The following CREB5 variants were observed in gnomAD, a reference collection of about 807,000 sequenced individuals.
CREB5 encodes the protein cyclic AMP-responsive element-binding protein 5.
In CREB5, 19 loss-of-function variants were observed where a neutral mutation model predicts 57.1. The ratio of observed to expected loss-of-function variants is 0.33; its 90% CI spans 0.23 to 0.49. The LOEUF (loss-of-function observed/expected upper bound fraction) is 0.49. CREB5 is among the 20% of genes least tolerant of loss of function. The pLI is 0.99. For synonymous variants in CREB5, 238 were observed against 238.3 expected (o/e 1.00, Z 0.01); for missense variants, 579 against 671.6 (o/e 0.86, Z 1.52).
chr7:28,612,505 C>T (rs1180068948), intron 5 of CREB5, among the ~76,000 whole-genome samples: 1 of 149,154 alleles, frequency 6.7e-6, no homozygotes, highest in African/African-American at 2.5e-5. Flanking sequence ...AAATAAAATC[C>T]TTCAATATTA....
intron 7 of CREB5, among the ~76,000 whole-genome samples, chr7:28,768,933 G>A (rs1032926340): frequency 2.0e-5 from 3 of 152,122 alleles, no homozygotes; most frequent in Admixed American, 6.5e-5. Flanking sequence ...GCAGCCCCTC[G>A]GGCAAAGCAA....
intron 5 of CREB5, among the ~76,000 whole-genome samples, chr7:28,587,494 G>C (rs1035806513): frequency 1.4e-5 from 2 of 145,822 alleles, no homozygotes; most frequent in Admixed American, 1.4e-4. Flanking sequence ...AGGATTCTTC[G>C]GGAGTTAAAA....
chr7:28,730,124 T>C (rs1384948433), intron 7 of CREB5, among the ~76,000 whole-genome samples: 1 of 152,218 alleles, frequency 6.6e-6, no homozygotes, highest in African/African-American at 2.4e-5. Context: ...GGAGCTATGT[T>C]AAGCATCTTG....
chr7:28,766,221 T>G (rs558007001), intron 7 of CREB5, among the ~76,000 whole-genome samples: 1 of 152,224 alleles, frequency 6.6e-6, no homozygotes, highest in Admixed American at 6.5e-5. Context: ...TAAAGTTACT[T>G]TAAAGATAAA....
At chr7:28,349,794 C>G (rs1476555526) in intron 1 of CREB5, among the ~76,000 whole-genome samples, 1 of 152,178 alleles carries the variant, frequency 6.6e-6, no homozygotes, top group Admixed American at 6.5e-5. Flanking sequence ...TATCTTCAAT[C>G]ATCCAGTCAG....
At chr7:28,447,259 T>C (rs1562722517) in intron 1 of CREB5, among the ~76,000 whole-genome samples, 1 of 152,248 alleles carries the variant, frequency 6.6e-6, no homozygotes, top group Non-Finnish European at 1.5e-5. Flanking sequence ...CAAATGGTAG[T>C]TCTTTTTCAT....
chr7:28,312,353 A>G (rs983851985), intron 1 of CREB5, among the ~76,000 whole-genome samples: 3 of 152,136 alleles, frequency 2.0e-5, no homozygotes, highest in African/African-American at 7.2e-5. Flanking sequence ...AGAATGAAAT[A>G]CCCATGATAC....
At chr7:28,347,012 C>T (rs538649021) in intron 1 of CREB5, among the ~76,000 whole-genome samples, 7 of 152,256 alleles carry the variant, frequency 4.6e-5, no homozygotes, top group East Asian at 3.9e-4. Context: ...ATGGGAGGAA[C>T]GGGCCAAGAC....
intron 4 of CREB5, among the ~76,000 whole-genome samples, chr7:28,514,276 G>C (rs1274750752): frequency 2.0e-5 from 3 of 152,210 alleles, no homozygotes; most frequent in East Asian, 1.9e-4. Flanking sequence ...CAAAGTGAAG[G>C]GGGGAGGTGG....
At chr7:28,541,954 T>C (rs1049678406) in intron 4 of CREB5, among the ~76,000 whole-genome samples, 3 of 152,196 alleles carry the variant, frequency 2.0e-5, no homozygotes, top group African/African-American at 7.2e-5. Context: ...TTATTGTGGA[T>C]CCATGATTCT....
chr7:28,780,405 G>A (rs982277369), intron 7 of CREB5, among the ~76,000 whole-genome samples: 5 of 152,106 alleles, frequency 3.3e-5, no homozygotes, highest in African/African-American at 7.2e-5. Context: ...AATTCACAAC[G>A]TAATTAATCC....
At chr7:28,404,314 C>T (rs1328310367) in intron 1 of CREB5, among the ~76,000 whole-genome samples, 2 of 151,950 alleles carry the variant, frequency 1.3e-5, no homozygotes, top group Non-Finnish European at 2.9e-5. Flanking sequence ...CTTGGGATGC[C>T]ATTGGTTTTT....
intron 5 of CREB5, among the ~76,000 whole-genome samples, chr7:28,659,763 A>C (rs76173187): frequency 0.028 from 4,294 of 152,264 alleles, 204 homozygotes; most frequent in African/African-American, 0.097. Context: ...ACAGTGGTTC[A>C]AGATGACAAA....
intron 1 of CREB5, among the ~76,000 whole-genome samples, chr7:28,366,305 A>G (rs1438818983): frequency 6.6e-6 from 1 of 152,232 alleles, no homozygotes; most frequent in African/African-American, 2.4e-5. Flanking sequence ...GATCAAAATA[A>G]CATAAACATT....
At position 28,560,963 on chromosome 7, in the gene CREB5, T is replaced by TGCGTGTGCGTGCGTGC. The variant is rs1194418363; in HGVS notation, c.292-9401_292-9400insCGTGTGCGTGCGTGCG. The stretch of plus-strand genomic sequence containing the variant: ...GTGCGTGTGTGTGCGTGTGTGTGCG[T>TGCGTGTGCGTGCGTGC]GTGTGTGTGCGTGTGTGCGTGCGTG... On this transcript the variant is annotated intron_variant, in intron 4 of 10. Transcript: ENST00000357727. Among the ~76,000 whole-genome samples, 11 of 48,154 alleles carry TGCGTGTGCGTGCGTGC rather than the reference T, an allele frequency of 2.3e-4. No individual in the cohort carries two copies. In the South Asian group the frequency reaches 5.2e-3, roughly 23 times the overall value. 31.6% of individuals were successfully genotyped at this position (48,154 alleles called of 152,430 possible). A position where few individuals can be genotyped will look rare whatever the true frequency, so the allele number is the denominator to read the frequency against.
chr7:28,575,459 T>C (rs539259783), intron 5 of CREB5, among the ~76,000 whole-genome samples: 113 of 152,342 alleles, frequency 7.4e-4, no homozygotes, highest in Middle Eastern at 6.8e-3. Context: ...TCAATGCATA[T>C]GCGTATGAAT....
chr7:28,641,536 C>T (rs1293281642), intron 5 of CREB5, among the ~76,000 whole-genome samples: 2 of 152,080 alleles, frequency 1.3e-5, no homozygotes, highest in Admixed American at 6.5e-5. Context: ...TCCACTCTGC[C>T]GAAGCGTACC....
At chr7:28,582,986 A>G (rs535020760) in intron 5 of CREB5, among the ~76,000 whole-genome samples, 4 of 152,326 alleles carry the variant, frequency 2.6e-5, no homozygotes, top group South Asian at 2.1e-4. Context: ...AAGATGAATT[A>G]TTAAAATATG....
rs937186996 is a variant in CREB5, at chr7:28,507,654, G to A, written c.208G>A (p.Glu70Lys). Residue 70 changes from glutamate (E) to lysine (K), a missense_variant, in exon 4 of 11, where the codon GAG becomes AAG. Physicochemically the swap from Glu to Lys is moderately conservative, Grantham distance 56. Around this residue, in one of 3 missense-constraint regions of CREB5, gnomAD observed 459 missense variants for 515.7 expected, o/e 0.89. Transcript: ENST00000357727. ...PTPTRFLKNCEEVGLFSELDC... is the reference protein window; with the variant it reads ...PTPTRFLKNCKEVGLFSELDC... ...CCCAACGAGATTCCTGAAGAACTGCGAGGAGGTGGGCCTCTTCAGCGAGCT... is the reference window on the plus strand; with the variant it reads ...CCCAACGAGATTCCTGAAGAACTGCAAGGAGGTGGGCCTCTTCAGCGAGCT... 5 of 1,610,608 alleles carry A rather than the reference G, an allele frequency of 3.1e-6. No individual in the cohort carries two copies. Among genetic ancestry groups the A allele is most frequent in the Non-Finnish European group, 2.5e-6 (3 of 1,177,698 alleles).
Sources: allele counts gnomAD v4.1 joint callset (sites outside exome capture counted in the v4.1 genomes callset), GRCh38; gene constraint gnomAD v4.1.1; regional missense constraint gnomAD v4.1.1; transcripts MANE v1.5; gene names NCBI Gene and HGNC (gene_info 2026-07-23, HGNC 2026-07-21).